The following ABCA10 variants were observed in gnomAD, a reference collection of about 807,000 sequenced individuals.
The protein encoded by ABCA10 is ATP binding cassette subfamily A member 10, also known as ATP-binding cassette sub-family A member 10.
ABCA10 carries 169 observed loss-of-function variants against 187.5 expected under a neutral mutation model. The ratio of observed to expected loss-of-function variants is 0.90; its 90% CI spans 0.80 to 1.02. ABCA10 has a LOEUF of 1.02. Ranked by LOEUF, ABCA10 falls within the 50% of genes least tolerant of loss-of-function variation. The pLI is 0.00. For synonymous variants in ABCA10, 574 were observed against 601.8 expected (o/e 0.95, Z 0.68); for missense variants, 1,727 against 1,812.4 (o/e 0.95, Z 0.86).
chr17:69,216,579 G>C (rs1419973574), intron 6 of ABCA10, among the ~76,000 whole-genome samples: 1 of 152,138 alleles, frequency 6.6e-6, no homozygotes, highest in East Asian at 1.9e-4. Flanking sequence ...GTTGTTCTGA[G>C]AAATAAATGA....
At chr17:69,166,159 A>G (rs1231435703) in intron 25 of ABCA10, among the ~76,000 whole-genome samples, 1 of 152,134 alleles carries the variant, frequency 6.6e-6, no homozygotes, top group Admixed American at 6.6e-5. Flanking sequence ...GTGTGAGGCT[A>G]ATCATCTTAT....
At chr17:69,173,862 G>A (rs775222406) in intron 25 of ABCA10, among the ~76,000 whole-genome samples, 16 of 152,002 alleles carry the variant, frequency 1.1e-4, no homozygotes, top group Non-Finnish European at 1.8e-4. Context: ...TATCATGCTT[G>A]TTGTTTGTTT....
chr17:69,174,566 TCTA>T (rs777825900), intron 24 of ABCA10, 38 bp downstream of exon 24: 3 of 1,514,662 alleles, frequency 2.0e-6, no homozygotes, highest in Non-Finnish European at 2.7e-6. Flanking sequence ...TCATTTTGAT[TCTA>T]CTATTATAAT....
In ABCA10 at chr17:69,207,002, C is replaced by T. The variant is rs373514568; in HGVS notation, c.1007-5334G>A. ...TAGAAAATATTTGCAAATGATACATCTGATAAGAGGTTAATATACAAAATA... is the reference window on the plus strand; with the variant it reads ...TAGAAAATATTTGCAAATGATACATTTGATAAGAGGTTAATATACAAAATA... On this transcript the variant is annotated intron_variant, in intron 9 of 38. Transcript: ENST00000690296. 1.1e-4 allele frequency among the ~76,000 whole-genome samples: 17 copies of T among 152,112 alleles called. 1 individual carries two copies. In the East Asian group the frequency reaches 1.5e-3, roughly 14 times the overall value.
chr17:69,214,738 C>A lies in ABCA10; in HGVS notation c.972G>T (p.Leu324Phe). 1 of 1,515,830 alleles carries A rather than the reference C, an allele frequency of 6.6e-7. No homozygotes were observed. 93.9% of individuals were successfully genotyped at this position (1,515,830 alleles called of 1,614,324 possible). A position where few individuals can be genotyped will look rare whatever the true frequency, so the allele number is the denominator to read the frequency against. The change falls in exon 9 of 39, where the codon TTG (leucine) becomes TTT (phenylalanine). Residue 324 changes from leucine to phenylalanine, a missense_variant. Coordinates refer to ENST00000690296, the MANE Select transcript of ABCA10 (RefSeq NM_001377321.1). ...CTCGCTCAAAATATAATGTGAATAT[C>A]AAATAGAAAAGAGTATCAAATGCCA... ...FILAFDTLFY[L>F]IFTLYFERVL...
chr17:69,152,004 A>G (rs1481664533), intron 36 of ABCA10, 39 bp downstream of exon 36: 1 of 1,586,894 alleles, frequency 6.3e-7, no homozygotes, highest in Non-Finnish European at 8.5e-7. Flanking sequence ...ATACTGGAAA[A>G]CACTCATACT....
intron 9 of ABCA10, among the ~76,000 whole-genome samples, chr17:69,214,233 C>T (rs1018019336): frequency 2.6e-5 from 4 of 152,150 alleles, no homozygotes; most frequent in Admixed American, 1.3e-4. Flanking sequence ...TGATTCAGTT[C>T]GGCCGGGCGC....
At chr17:69,172,872 T>A (rs1465106529) in intron 25 of ABCA10, among the ~76,000 whole-genome samples, 1 of 152,076 alleles carries the variant, frequency 6.6e-6, no homozygotes, top group East Asian at 1.9e-4. Context: ...CATTAAAGCA[T>A]AAGAACAATA....
At chr17:69,194,330 A>G in intron 12 of ABCA10, 55 bp downstream of exon 12, 1 of 1,436,838 alleles carries the variant, frequency 7.0e-7, no homozygotes, top group Non-Finnish European at 9.8e-7. Flanking sequence ...ACATAATCAA[A>G]CCAATTTACA....
chr17:69,195,555 T>TC (rs2144808582), intron 11 of ABCA10, among the ~76,000 whole-genome samples: 1 of 1,260 alleles, frequency 7.9e-4, no homozygotes, highest in East Asian at 0.015. Flanking sequence ...GAAGTTTTTC[T>TC]TTTTTTTTTT....
At chr17:69,208,415 C>A (rs1169730647) in intron 9 of ABCA10, among the ~76,000 whole-genome samples, 1 of 43,360 alleles carries the variant, frequency 2.3e-5, no homozygotes, top group East Asian at 4.4e-4. Flanking sequence ...GAGACTCTGT[C>A]TCAAAAAAAA....
intron 27 of ABCA10, among the ~76,000 whole-genome samples, chr17:69,159,912 T>G (rs931401193): frequency 2.6e-5 from 4 of 152,080 alleles, no homozygotes; most frequent in African/African-American, 9.7e-5. Flanking sequence ...GACAATCTCT[T>G]CAACAAATAG....
chr17:69,161,193 T>C (rs2074215140), intron 27 of ABCA10, among the ~76,000 whole-genome samples: 1 of 152,168 alleles, frequency 6.6e-6, no homozygotes, highest in Non-Finnish European at 1.5e-5. Flanking sequence ...ATATAAGATA[T>C]ATAAAGTAGT....
rs542162516 is a variant in ABCA10 at position 69,211,188 on chromosome 17, T to C, written c.1006+3516A>G. On this transcript the variant is annotated intron_variant, in intron 9 of 38. Transcript: ENST00000690296. The stretch of plus-strand genomic sequence containing the variant: ...AAAGACACTTGCATATGAATGTTTA[T>C]TGCAGCACAATTTGCAATTGCAAAA... Among the ~76,000 whole-genome samples the C allele has an allele frequency of 9.1e-4, 137 of 151,086 alleles. 2 individuals carry two copies. The South Asian group carries it at 0.01, about 11-fold the overall frequency.
chr17:69,153,228 G>A, intron 34 of ABCA10, 77 bp downstream of exon 34: 1 of 1,507,548 alleles, frequency 6.6e-7, no homozygotes, highest in Non-Finnish European at 8.9e-7. Flanking sequence ...ATGTAACAAA[G>A]AAACAAAACA....
At chr17:69,224,947 T>C (rs1598126803) in intron 3 of ABCA10, among the ~76,000 whole-genome samples, 1 of 152,128 alleles carries the variant, frequency 6.6e-6, no homozygotes, top group Non-Finnish European at 1.5e-5. Context: ...AATTAAATCC[T>C]TAAAATTTTT....
chr17:69,162,997 C>T (rs919108245), intron 27 of ABCA10, among the ~76,000 whole-genome samples: 3 of 151,936 alleles, frequency 2.0e-5, no homozygotes, highest in African/African-American at 7.3e-5. Context: ...GCCAGCACGC[C>T]CAGCTAATTT....
rs139729865 is a variant in ABCA10 at position 69,161,186 on chromosome 17, T to C, written c.3363+2888A>G. Reference sequence around the variant, plus strand: ...CAGATACTTTATGATTTCATGTATATAAGATATATAAAGTAGTAAAATTTA... The same window carrying C: ...CAGATACTTTATGATTTCATGTATACAAGATATATAAAGTAGTAAAATTTA... On this transcript the variant is annotated intron_variant, in intron 27 of 38. Coordinates refer to ENST00000690296, the MANE Select transcript of ABCA10 (RefSeq NM_001377321.1). Among the ~76,000 whole-genome samples, 568 of 152,232 alleles carry C rather than the reference T, an allele frequency of 3.7e-3. 3 individuals carry two copies. Among genetic ancestry groups the C allele is most frequent in the African/African-American group, 0.013 (531 of 41,540 alleles).
At chr17:69,197,302 T>C (rs2074513392) in intron 10 of ABCA10, among the ~76,000 whole-genome samples, 180 bp from the exon 11 acceptor site, 1 of 151,952 alleles carries the variant, frequency 6.6e-6, no homozygotes, top group South Asian at 2.1e-4. Context: ...ACAGACCTGC[T>C]AATACTCTTA....
Sources: allele counts gnomAD v4.1 joint callset (sites outside exome capture counted in the v4.1 genomes callset), GRCh38; gene constraint gnomAD v4.1.1; transcripts MANE v1.5; gene names NCBI Gene and HGNC (gene_info 2026-07-23, HGNC 2026-07-21).